UNC13C: variants seen among roughly 807,000 people sequenced by gnomAD.
UNC13C encodes the protein unc-13 homolog C, also known as protein unc-13 homolog C.
A neutral mutation model predicts 245.4 loss-of-function variants in UNC13C; 174 were observed. That is an observed-to-expected ratio of 0.71 (90% confidence interval 0.63 to 0.80). UNC13C has a LOEUF of 0.80. Ranked by LOEUF, UNC13C falls within the 30% of genes least tolerant of loss-of-function variation. The pLI is 0.00. For synonymous variants in UNC13C, 992 were observed against 895.1 expected, an observed-to-expected ratio of 1.11 and a Z score of -1.93; for missense variants, 2,829 against 2,602.9, an observed-to-expected ratio of 1.09 and a Z score of -1.89.
chr15:54,078,128 T>C (rs2141112410), intron 2 of UNC13C, among the ~76,000 whole-genome samples: 1 of 152,354 alleles, frequency 6.6e-6, no homozygotes, highest in Middle Eastern at 3.4e-3. Context: ...TCCATCCATG[T>C]TGCTGTAAAA....
At chr15:53,867,726 A>G in the UNC13C span, among the ~76,000 whole-genome samples, 1 of 152,234 alleles carries the variant, frequency 6.6e-6, no homozygotes, top group African/African-American at 2.4e-5. Flanking sequence ...CTTCCTGCCT[A>G]TTAATATGAT....
At chr15:54,503,228 T>C (rs1894308571) in intron 22 of UNC13C, among the ~76,000 whole-genome samples, 1 of 152,140 alleles carries the variant, frequency 6.6e-6, no homozygotes, top group Non-Finnish European at 1.5e-5. Context: ...GAGAAGCATT[T>C]TCTGGAAAAG....
rs537990214 is a variant in UNC13C, at chr15:53,985,435, G to A, written c.-257+6508G>A. Among the ~76,000 whole-genome samples the A allele has an allele frequency of 2.5e-4, 37 of 150,920 alleles. No homozygotes were observed. The South Asian group carries it at 7.7e-3, about 31-fold the overall frequency. The stretch of plus-strand genomic sequence containing the variant: ...AGGTTTGTTACATATGTATACATGT[G>A]CTACTATGTATACATGTATACATGT... On this transcript the variant is annotated intron_variant, in intron 1 of 32. Transcript: ENST00000260323.
chr15:54,125,109 G>A (rs917335227), intron 2 of UNC13C, among the ~76,000 whole-genome samples: 2 of 151,960 alleles, frequency 1.3e-5, no homozygotes, highest in Non-Finnish European at 2.9e-5. Flanking sequence ...GTTGTTTTTA[G>A]CTATTGTAGT....
intron 25 of UNC13C, among the ~76,000 whole-genome samples, chr15:54,531,268 G>A (rs1177383182): frequency 6.6e-6 from 1 of 152,168 alleles, no homozygotes; most frequent in Non-Finnish European, 1.5e-5. Context: ...AGATGTGATT[G>A]CCAAGAAAGT....
intron 4 of UNC13C, among the ~76,000 whole-genome samples, chr15:54,200,279 G>A (rs535583698): frequency 3.9e-5 from 6 of 151,998 alleles, no homozygotes; most frequent in East Asian, 1.9e-4. Flanking sequence ...TCATCAAGAC[G>A]GAAACTCAGC....
chr15:53,965,079 G>A, the UNC13C span, among the ~76,000 whole-genome samples: 4 of 152,132 alleles, frequency 2.6e-5, no homozygotes, highest in African/African-American at 9.7e-5. Context: ...AACATTTGGT[G>A]CATTACACTC....
chr15:54,292,812 C>T (rs1208874083), intron 10 of UNC13C, among the ~76,000 whole-genome samples: 1 of 150,304 alleles, frequency 6.7e-6, no homozygotes, highest in African/African-American at 2.4e-5. Flanking sequence ...TGGTTTGTTG[C>T]CTATATTCAT....
intron 7 of UNC13C, among the ~76,000 whole-genome samples, chr15:54,246,076 T>A (rs1239773500): frequency 6.6e-6 from 1 of 152,226 alleles, no homozygotes; most frequent in East Asian, 1.9e-4. Context: ...TCTTGGCAGG[T>A]AGCCTGATTC....
intron 18 of UNC13C, among the ~76,000 whole-genome samples, chr15:54,408,199 C>CAAAAAAAAAAAAAAAAAAAA (rs71105808): frequency 1.0e-4 from 3 of 29,126 alleles, no homozygotes; most frequent in East Asian, 1.1e-3. Flanking sequence ...GACTCTGCCT[C>CAAAAAAAAAAAAAAAAAAAA]AAAAAAAAAA....
intron 24 of UNC13C, chr15:54,512,468 C>G (rs371555109): frequency 4.4e-5 from 19 of 428,330 alleles, no homozygotes; most frequent in African/African-American, 2.5e-4. Context: ...CTACTTATTC[C>G]CATTTGCTTG....
chr15:54,104,155 A>G (rs904077500), intron 2 of UNC13C, among the ~76,000 whole-genome samples: 2 of 152,180 alleles, frequency 1.3e-5, no homozygotes, highest in Non-Finnish European at 2.9e-5. Flanking sequence ...TACTTGCTGT[A>G]CCTGCTTCAT....
At chr15:54,404,545 C>T (rs1481314182) in intron 18 of UNC13C, among the ~76,000 whole-genome samples, 2 of 152,050 alleles carry the variant, frequency 1.3e-5, no homozygotes, top group Admixed American at 1.3e-4. Context: ...TAAGCTATGA[C>T]TGCATTGAAA....
rs1566945676 is a variant in UNC13C, at chr15:54,623,784, C to T, written c.6200-11C>T. The T allele has an allele frequency of 2.5e-6, 4 of 1,577,706 alleles. No homozygotes were observed. The highest frequency in any genetic ancestry group is 1.7e-5 in the Admixed American group (1 of 57,350). On this transcript the variant is annotated splice_polypyrimidine_tract_variant and intron_variant, in intron 31 of 32. Coordinates refer to ENST00000260323, the MANE Select transcript of UNC13C (RefSeq NM_001080534.3). Reference sequence around the variant, plus strand: ...TCTGTTTGCTAAAATGTGATATTTCCTTTTTTTTAGTGATTGCTATTAATG... The same window carrying T: ...TCTGTTTGCTAAAATGTGATATTTCTTTTTTTTTAGTGATTGCTATTAATG...
chr15:54,189,046 C>G (rs1331237127), intron 4 of UNC13C, among the ~76,000 whole-genome samples: 3 of 151,994 alleles, frequency 2.0e-5, no homozygotes, highest in African/African-American at 7.3e-5. Flanking sequence ...TATTCTCCTA[C>G]AAAAGTCAAC....
intron 4 of UNC13C, among the ~76,000 whole-genome samples, chr15:54,232,158 TG>T: frequency 6.6e-6 from 1 of 152,218 alleles, no homozygotes; most frequent in South Asian, 2.1e-4. Flanking sequence ...CAAAGTTTCT[TG>T]TAGTAATGAT....
chr15:54,622,768 T>C (rs1193293763), intron 31 of UNC13C, among the ~76,000 whole-genome samples: 1 of 152,196 alleles, frequency 6.6e-6, no homozygotes, highest in South Asian at 2.1e-4. Context: ...TTTTTCTATA[T>C]GATTTCCAAC....
At position 54,322,795 on chromosome 15, in the gene UNC13C, A is replaced by G. The variant is rs58823194; in HGVS notation, c.4425+700A>G. Among the ~76,000 whole-genome samples, 644 of 152,164 alleles carry G rather than the reference A, an allele frequency of 4.2e-3. 28 individuals carry two copies. In the East Asian group the frequency reaches 0.092, roughly 22 times the overall value. On this transcript the variant is annotated intron_variant, in intron 14 of 32. Coordinates refer to ENST00000260323, the MANE Select transcript of UNC13C (RefSeq NM_001080534.3). ...TATTTCTAGTAAAGTGGTAAGAGTC[A>G]GAATTAAAAATGAGTGGAGATGGAG... is the stretch of plus-strand genomic sequence containing the variant.
At position 54,295,664 on chromosome 15, in the gene UNC13C, T is replaced by C. The variant is rs2037409950; in HGVS notation, c.3988+1600T>C. On this transcript the variant is annotated intron_variant, in intron 11 of 32. Coordinates refer to ENST00000260323, the MANE Select transcript of UNC13C (RefSeq NM_001080534.3). The stretch of plus-strand genomic sequence containing the variant: ...TGAGACCTTGTAAAAAAAAAATAAA[T>C]ACATAAGAAGAAGAACAAAAAGAAA... 3.1e-5 allele frequency among the ~76,000 whole-genome samples: 4 copies of C among 128,668 alleles called. No homozygotes were observed. In the South Asian group the frequency reaches 9.8e-4, roughly 31 times the overall value. The allele number at this position is 128,668 out of a possible 152,430, so 84.4% of individuals were successfully genotyped here.
Sources: gnomAD v4.1 joint callset for allele counts (sites outside exome capture counted in the v4.1 genomes callset) on GRCh38, gnomAD v4.1.1 for gene constraint, MANE v1.5 for transcripts, NCBI Gene and HGNC (gene_info 2026-07-23, HGNC 2026-07-21) for gene names.